TNFRSF25: variants seen among roughly 807,000 people sequenced by gnomAD.
TNFRSF25 encodes the protein tumor necrosis factor receptor superfamily member 25.
TNFRSF25 carries 28 observed loss-of-function variants against 49.4 expected under a neutral mutation model. The ratio of observed to expected loss-of-function variants is 0.57; its 90% CI spans 0.42 to 0.78. The LOEUF (loss-of-function observed/expected upper bound fraction) is 0.78. TNFRSF25 is among the 30% of genes least tolerant of loss of function. The pLI, the probability that TNFRSF25 is intolerant of heterozygous loss-of-function variation, is 0.00. For missense variants in TNFRSF25, 531 were observed against 581.6 expected (o/e 0.91, Z 0.90); for synonymous variants, 240 against 234.2 (o/e 1.02, Z -0.23).
chr1:6,462,356 C>T lies in TNFRSF25; in HGVS notation c.745-182G>A. 8.8e-7 allele frequency: 1 copy of T among 1,132,936 alleles called. No homozygotes were observed. Among genetic ancestry groups the T allele is most frequent in the Non-Finnish European group, 1.2e-6 (1 of 823,654 alleles). The allele number at this position is 1,132,936 out of a possible 1,614,324, so 70.2% of individuals were successfully genotyped here. On this transcript the variant is annotated intron_variant, in intron 8 of 9. Coordinates refer to ENST00000356876, the MANE Select transcript of TNFRSF25 (RefSeq NM_003790.3). This position sits in a 1 kb window ranked among gnomAD's most constrained non-coding sequence, Gnocchi z 4.2. Reference sequence around the variant, plus strand: ...GAACTCTTGCTTCTGCCTTGAGTCCCCTGCCCCCGCCTCCTTCCTCTTGTC... The same window carrying T: ...GAACTCTTGCTTCTGCCTTGAGTCCTCTGCCCCCGCCTCCTTCCTCTTGTC...
intron 1 of TNFRSF25, 136 bp downstream of exon 1, chr1:6,465,933 T>C (rs1644351368): frequency 6.9e-7 from 1 of 1,455,242 alleles, no homozygotes; most frequent in African/African-American, 1.5e-5. Flanking sequence ...GGAGGAGCCT[T>C]TAACGAGATC....
In TNFRSF25 at chr1:6,464,666, A is replaced by AGCCACAGC; in HGVS notation, c.341_348dup (p.Cys117AlafsTer29). The AGCCACAGC allele has an allele frequency of 6.2e-7, 1 of 1,614,066 alleles. No homozygotes were observed. The highest frequency in any genetic ancestry group is 8.5e-7 in the Non-Finnish European group (1 of 1,180,038). On this transcript the variant is annotated frameshift_variant, in exon 4 of 10. Transcript: ENST00000356876. LOFTEE classifies it high-confidence loss of function. The stretch of plus-strand genomic sequence containing the variant: ...CACTCCACAAACCAGCCTGGCTTAC[A>AGCCACAGC]GCCACAGCGGGTGTCGGCCACTGCT...
intron 2 of TNFRSF25, 34 bp from the exon 3 acceptor site, chr1:6,465,256 G>T (rs1557728682): frequency 6.3e-6 from 10 of 1,588,486 alleles, no homozygotes; most frequent in Non-Finnish European, 8.6e-6. Flanking sequence ...GCAGGCAGAG[G>T]GGCTGCCCAG....
At chr1:6,465,822 C>G (rs1644345602) in intron 1 of TNFRSF25, 2 of 1,424,642 alleles carry the variant, frequency 1.4e-6, no homozygotes, top group Admixed American at 3.0e-5. Context: ...CCCCCACCCC[C>G]ACCCATGCTT....
chr1:6,461,564 T>TCAA lies in TNFRSF25; in HGVS notation c.1123_1124insTTG (p.Gln375delinsLeuGlu). On this transcript the variant is annotated protein_altering_variant, in exon 10 of 10. Coordinates refer to ENST00000356876, the MANE Select transcript of TNFRSF25 (RefSeq NM_003790.3). This position sits in a 1 kb window ranked among gnomAD's most constrained non-coding sequence, Gnocchi z 6.3. ...GCGCCAGCGCTTGAGCATCTCGTACTGCTGGTCTCGGAAGCGGCCGATCTC... is the reference window on the plus strand; with the variant it reads ...GCGCCAGCGCTTGAGCATCTCGTACTCAAGCTGGTCTCGGAAGCGGCCGATCTC... 1 of 1,610,338 alleles carries TCAA rather than the reference T, an allele frequency of 6.2e-7. No individual in the cohort carries two copies.
In TNFRSF25 at chr1:6,462,570, G is replaced by A. The variant is rs1012919012; in HGVS notation, c.744+59C>T. On this transcript the variant is annotated intron_variant, in intron 8 of 9. Transcript: ENST00000356876. This position sits in a 1 kb window ranked among gnomAD's most constrained non-coding sequence, Gnocchi z 4.2. ...CGCGTGCCAAGCTCCAGGGATCATA[G>A]TAAGGCTTGATCTTCCAGCTCCAGA... 3.1e-6 allele frequency: 5 copies of A among 1,590,954 alleles called. No homozygotes were observed. Among genetic ancestry groups the A allele is most frequent in the Non-Finnish European group, 4.3e-6 (5 of 1,169,490 alleles).
rs1029069362 is a variant in TNFRSF25, at chr1:6,461,517, C to G, written c.1171G>C (p.Gly391Arg). 2 of 1,601,782 alleles carry G rather than the reference C, an allele frequency of 1.2e-6. No homozygotes were observed. The highest frequency in any genetic ancestry group is 8.5e-7 in the Non-Finnish European group (1 of 1,176,660). Residue 391 changes from glycine to arginine, a missense_variant, in exon 10 of 10, where the codon GGA becomes CGA. Transcript: ENST00000356876. The surrounding 1 kb of genome is among the most constrained non-coding windows in gnomAD (Gnocchi z 6.3). ...RWRQQQPAGL[G>R]AVYAALERMG... ...CGCTCCAGGGCCGCGTAAACGGCTC[C>G]GAGGCCCGCGGGCTGCTGCTGGCGC...
chr1:6,463,209 T>A, intron 5 of TNFRSF25, 82 bp from the exon 6 acceptor site: 1 of 1,400,840 alleles, frequency 7.1e-7, no homozygotes, highest in South Asian at 1.3e-5. Context: ...ATCTGCTCCA[T>A]CCTAGAGACC....
rs757680269 is a variant in TNFRSF25 at position 6,464,657 on chromosome 1, C to A, written c.358G>T (p.Gly120Cys). The change falls in exon 4 of 10, where the codon GGC becomes TGC. Residue 120 changes from glycine to cysteine, a missense_variant. By Grantham distance (159) the Gly-to-Cys change is radical. Coordinates refer to ENST00000356876, the MANE Select transcript of TNFRSF25 (RefSeq NM_003790.3). ...CTGACCTGGCACTCCACAAACCAGC[C>A]TGGCTTACAGCCACAGCGGGTGTCG... The part of the protein sequence containing the change: ...VADTRCGCKP[G>C]WFVECQVSQC... 1 of 1,614,066 alleles carries A rather than the reference C, an allele frequency of 6.2e-7. No individual in the cohort carries two copies. The highest frequency in any genetic ancestry group is 1.7e-5 in the Admixed American group (1 of 60,032).
At chr1:6,464,742 G>C in intron 3 of TNFRSF25, 23 bp from the exon 4 acceptor site, 1 of 1,608,248 alleles carries the variant, frequency 6.2e-7, no homozygotes, top group South Asian at 1.1e-5. Context: ...CAGGGAGATG[G>C]GGAGTGGAGA....
At position 6,465,893 on chromosome 1, in the gene TNFRSF25, G is replaced by C. The variant is rs141743196; in HGVS notation, c.39+176C>G. 7.9e-3 allele frequency: 11,232 copies of C among 1,421,794 alleles called. 66 individuals carry two copies. The highest frequency in any genetic ancestry group is 0.01 in the Middle Eastern group (54 of 5,300). The allele number at this position is 1,421,794 out of a possible 1,614,324, so 88.1% of individuals were successfully genotyped here. A position where few individuals can be genotyped will look rare whatever the true frequency, so the allele number is the denominator to read the frequency against. On this transcript the variant is annotated intron_variant, in intron 1 of 9. Coordinates refer to ENST00000356876, the MANE Select transcript of TNFRSF25 (RefSeq NM_003790.3). ...GGGGCCCCCAGACCCTCCTGGGAGGGGTTTCCTCTCAGTGGAAGGGCTACG... is the reference window on the plus strand; with the variant it reads ...GGGGCCCCCAGACCCTCCTGGGAGGCGTTTCCTCTCAGTGGAAGGGCTACG...
chr1:6,461,481 C>G lies in TNFRSF25; in HGVS notation c.1207G>C (p.Asp403His), dbSNP rs999759496. The G allele has an allele frequency of 6.3e-7, 1 of 1,578,730 alleles. No individual in the cohort carries two copies. The highest frequency in any genetic ancestry group is 8.6e-7 in the Non-Finnish European group (1 of 1,164,752). ...VYAALERMGL[D>H]GCVEDLRSRL... is the part of the protein sequence containing the mutation. ...CTGCGCAAGTCTTCCACGCAGCCGTCCAGCCCCATGCGCTCCAGGGCCGCG... is the reference window on the plus strand; with the variant it reads ...CTGCGCAAGTCTTCCACGCAGCCGTGCAGCCCCATGCGCTCCAGGGCCGCG... The change falls in exon 10 of 10, where the codon GAC becomes CAC. Residue 403 changes from aspartate (D) to histidine (H), a missense_variant. Coordinates refer to ENST00000356876, the MANE Select transcript of TNFRSF25 (RefSeq NM_003790.3). This position sits in a 1 kb window ranked among gnomAD's most constrained non-coding sequence, Gnocchi z 6.3.
chr1:6,462,527 G>C lies in TNFRSF25; in HGVS notation c.744+102C>G, dbSNP rs981579668. The C allele has an allele frequency of 1.9e-6, 3 of 1,550,062 alleles. No individual in the cohort carries two copies. Among genetic ancestry groups the C allele is most frequent in the Non-Finnish European group, 2.6e-6 (3 of 1,149,786 alleles). ...CTGCTCCCAACACCTCTGTCCACTA[G>C]GGCTACCCGGTGCTGGCCGCGTGCC... On this transcript the variant is annotated intron_variant, in intron 8 of 9. Coordinates refer to ENST00000356876, the MANE Select transcript of TNFRSF25 (RefSeq NM_003790.3). This position sits in a 1 kb window ranked among gnomAD's most constrained non-coding sequence, Gnocchi z 4.2.
rs3007417 is a variant in TNFRSF25, at chr1:6,466,123, G to A, written c.-16C>T. 0.088 allele frequency: 133,005 copies of A among 1,513,620 alleles called. 12,567 individuals are homozygous for A. The highest frequency in any genetic ancestry group is 0.51 in the African/African-American group (34,841 of 68,754). 93.8% of individuals were successfully genotyped at this position (1,513,620 alleles called of 1,614,324 possible). ...GCTGCTCCATAGCCCTCCGACGGGCGCCCAGGGGCTTCCCGGCTCCGTGCT... is the reference window on the plus strand; with the variant it reads ...GCTGCTCCATAGCCCTCCGACGGGCACCCAGGGGCTTCCCGGCTCCGTGCT... On this transcript the variant is annotated 5_prime_UTR_variant, in exon 1 of 10. Transcript: ENST00000356876.
At chr1:6,463,026 C>T (rs1193015636) in intron 6 of TNFRSF25, 46 bp downstream of exon 6, 3 of 1,553,652 alleles carry the variant, frequency 1.9e-6, no homozygotes, top group Non-Finnish European at 2.6e-6. Flanking sequence ...CGCCTCCCCT[C>T]GGTCCATCCC....
intron 3 of TNFRSF25, 122 bp from the exon 4 acceptor site, chr1:6,464,841 A>AG: frequency 7.7e-7 from 1 of 1,293,002 alleles, no homozygotes; most frequent in African/African-American, 1.5e-5. Flanking sequence ...AGACAGGTAC[A>AG]GGGCTACCCT....
chr1:6,466,122 C>A lies in TNFRSF25; in HGVS notation c.-15G>T. Reference sequence around the variant, plus strand: ...CGCTGCTCCATAGCCCTCCGACGGGCGCCCAGGGGCTTCCCGGCTCCGTGC... The same window carrying A: ...CGCTGCTCCATAGCCCTCCGACGGGAGCCCAGGGGCTTCCCGGCTCCGTGC... On this transcript the variant is annotated 5_prime_UTR_variant, in exon 1 of 10. Transcript: ENST00000356876. The A allele has an allele frequency of 6.6e-7, 1 of 1,510,608 alleles. No individual in the cohort carries two copies. The allele number at this position is 1,510,608 out of a possible 1,614,324, so 93.6% of individuals were successfully genotyped here.
rs374403710 is a variant in TNFRSF25, at chr1:6,464,401, A to G, written c.516T>C (p.His172=). ...TGGGGCAGGACACGCAGCCATCGCC[A>G]TGTTCATAGAAGCCAGGCAGGCAGG... is the stretch of plus-strand genomic sequence containing the variant. ...CGTCLPGFYE[H]GDGCVSCPTS... Residue 172 remains histidine (H), a synonymous_variant, in exon 5 of 10, where the codon CAT becomes CAC. Coordinates refer to ENST00000356876, the MANE Select transcript of TNFRSF25 (RefSeq NM_003790.3). 6.2e-7 allele frequency: 1 copy of G among 1,611,616 alleles called. No individual in the cohort carries two copies. The highest frequency in any genetic ancestry group is 1.3e-5 in the African/African-American group (1 of 74,934).
intron 1 of TNFRSF25, 95 bp downstream of exon 1, chr1:6,465,974 G>T (rs1229873692): frequency 9.3e-6 from 14 of 1,504,276 alleles, no homozygotes; most frequent in African/African-American, 1.4e-5. Flanking sequence ...CCCCCAGTGA[G>T]GCTTGGAGTG....
Sources: allele counts gnomAD v4.1 joint callset, GRCh38; gene constraint gnomAD v4.1.1; non-coding constraint Gnocchi (gnomAD v3.1); transcripts MANE v1.5; gene names NCBI Gene and HGNC (gene_info 2026-07-23, HGNC 2026-07-21).